The following TSPO variants were observed in gnomAD, a reference collection of about 807,000 sequenced individuals.
TSPO encodes the protein benzodiazepine peripheral binding site.
TSPO carries 14 observed loss-of-function variants against 13.9 expected under a neutral mutation model. That is an observed-to-expected ratio of 1.01 (90% CI 0.67 to 1.58). The LOEUF is 1.58. Ranked by LOEUF, TSPO falls within the 40% of genes most tolerant of loss-of-function variation. The pLI is 0.00. For synonymous variants in TSPO, 114 were observed against 105.9 expected (o/e 1.08, Z -0.47); for missense variants, 232 against 229.6 (o/e 1.01, Z -0.07).
intron 3 of TSPO, among the ~76,000 whole-genome samples, chr22:43,162,126 A>AT (rs34120993): frequency 0.31 from 42,411 of 138,220 alleles, 7,664 homozygotes; most frequent in East Asian, 0.9. Context: ...AATTTTCTGT[A>AT]TTTTTTTTTT....
Position 43,162,955 on chromosome 22 carries a change from C to A in TSPO, c.474C>A (p.Asn158Lys). The A allele has an allele frequency of 6.3e-7, 1 of 1,594,356 alleles. No homozygotes were observed. The highest frequency in any genetic ancestry group is 1.1e-5 in the South Asian group (1 of 88,322). Reference sequence around the variant, plus strand: ...TCAACTACTGCGTATGGCGGGACAACCATGGCTGGCGTGGGGGACGGCGGC... The same window carrying A: ...TCAACTACTGCGTATGGCGGGACAAACATGGCTGGCGTGGGGGACGGCGGC... ...TTLNYCVWRD[N>K]HGWRGGRRLP... Residue 158 changes from asparagine (N) to lysine (K), a missense_variant, in exon 4 of 4, where the codon AAC (asparagine) becomes AAA (lysine). Asn to Lys is a moderately conservative substitution (Grantham distance 94, BLOSUM62 0). Transcript: ENST00000337554.
chr22:43,158,052 G>A (rs1445838702), intron 1 of TSPO, among the ~76,000 whole-genome samples: 1 of 152,098 alleles, frequency 6.6e-6, no homozygotes, highest in Non-Finnish European at 1.5e-5. Flanking sequence ...ATGGATCCCA[G>A]GCCAGCAGCC....
chr22:43,159,551 A>G, intron 2 of TSPO, 131 bp downstream of exon 2: 1 of 1,007,836 alleles, frequency 9.9e-7, no homozygotes. Context: ...TTGGCAAGCC[A>G]GGGTGGGGAA....
At chr22:43,160,813 G>T (rs1019849660) in intron 2 of TSPO, among the ~76,000 whole-genome samples, 11 of 152,192 alleles carry the variant, frequency 7.2e-5, no homozygotes, top group African/African-American at 2.7e-4. Context: ...GATAATAATG[G>T]CAGGTATTTA....
intron 2 of TSPO, chr22:43,159,821 T>G: frequency 1.2e-5 from 2 of 171,914 alleles, no homozygotes; most frequent in Non-Finnish European, 1.2e-5. Flanking sequence ...ACCCCCATAA[T>G]AAGAGGCCTC....
chr22:43,153,705 G>A (rs1458857343), intron 1 of TSPO, among the ~76,000 whole-genome samples: 2 of 151,190 alleles, frequency 1.3e-5, no homozygotes, highest in Non-Finnish European at 2.9e-5. Flanking sequence ...TGTGCTCTCT[G>A]TTTAAAACGG....
intron 2 of TSPO, 88 bp downstream of exon 2, chr22:43,159,508 C>T (rs1350960687): frequency 7.8e-7 from 1 of 1,273,978 alleles, no homozygotes; most frequent in Non-Finnish European, 1.0e-6. Context: ...TCCAGGCGGG[C>T]CATGGACCAT....
Position 43,162,961 on chromosome 22 carries a change from C to T in TSPO, c.480C>T (p.Gly160=), listed in dbSNP as rs1026175946. 5.0e-6 allele frequency: 8 copies of T among 1,594,306 alleles called. No homozygotes were observed. Among genetic ancestry groups the T allele is most frequent in the Non-Finnish European group, 6.8e-6 (8 of 1,171,198 alleles). Residue 160 remains glycine, a synonymous_variant, in exon 4 of 4, where the codon GGC becomes GGT. Coordinates refer to ENST00000337554, the MANE Select transcript of TSPO (RefSeq NM_000714.6). ...LNYCVWRDNH[G]WRGGRRLPE is the part of the protein sequence containing the mutation. ...ACTGCGTATGGCGGGACAACCATGG[C>T]TGGCGTGGGGGACGGCGGCTGCCAG...
Position 43,151,607 on chromosome 22 carries a change from G to A in TSPO, c.-30+3G>A, listed in dbSNP as rs576322275. On this transcript the variant is annotated splice_donor_region_variant and intron_variant, in intron 1 of 3. Coordinates refer to ENST00000337554, the MANE Select transcript of TSPO (RefSeq NM_000714.6). ...CCCGGAGCGTGCCCTCGCCGCTGGT[G>A]AGTGAGGACGGGACGCGGAGGGGGC... 7 of 152,418 alleles carry A rather than the reference G, an allele frequency of 4.6e-5. No individual in the cohort carries two copies. Among genetic ancestry groups the A allele is most frequent in the African/African-American group, 1.7e-4 (7 of 41,590 alleles). 9.4% of individuals were successfully genotyped at this position (152,418 alleles called of 1,614,324 possible).
At chr22:43,154,452 G>A (rs903458054) in intron 1 of TSPO, among the ~76,000 whole-genome samples, 3 of 151,962 alleles carry the variant, frequency 2.0e-5, no homozygotes, top group Non-Finnish European at 4.4e-5. Flanking sequence ...TCCTCCTCTC[G>A]GGTTCAAGCA....
chr22:43,153,791 A>G (rs1931166420), intron 1 of TSPO, among the ~76,000 whole-genome samples: 1 of 150,946 alleles, frequency 6.6e-6, no homozygotes, highest in South Asian at 2.1e-4. Context: ...TTATTTATAT[A>G]TATATTTTTT....
intron 1 of TSPO, among the ~76,000 whole-genome samples, chr22:43,157,132 A>C (rs1012215758): frequency 2.0e-5 from 3 of 152,100 alleles, no homozygotes; most frequent in African/African-American, 7.2e-5. Flanking sequence ...GCTGTGGTCC[A>C]GAGCTCCATA....
At chr22:43,159,928 G>A (rs1368716112) in intron 2 of TSPO, among the ~76,000 whole-genome samples, 2 of 152,288 alleles carry the variant, frequency 1.3e-5, no homozygotes, top group Non-Finnish European at 1.5e-5. Flanking sequence ...AATTCCACCC[G>A]GAAAGGACGT....
Position 43,160,923 on chromosome 22 carries a change from A to G in TSPO, c.183-129A>G, listed in dbSNP as rs1043266829. The G allele has an allele frequency of 2.4e-6, 3 of 1,231,270 alleles. No individual in the cohort carries two copies. The Admixed American group carries it at 8.5e-5, about 35-fold the overall frequency. 76.3% of individuals were successfully genotyped at this position (1,231,270 alleles called of 1,614,324 possible). On this transcript the variant is annotated intron_variant, in intron 2 of 3. Transcript: ENST00000337554. ...GAAAAATGAAGGCCCAGACAGGTCAAGCAACTTCCCTGAGATCACACAGCA... is the reference window on the plus strand; with the variant it reads ...GAAAAATGAAGGCCCAGACAGGTCAGGCAACTTCCCTGAGATCACACAGCA...
At position 43,158,592 on chromosome 22, in the gene TSPO, G is replaced by A. The variant is rs140790855; in HGVS notation, c.-29-618G>A. ...TGTCTCCGGTGCATGGGGAAGGGGC[G>A]GTGGTTTTACTGGGGCCCGTGTGGG... On this transcript the variant is annotated intron_variant, in intron 1 of 3. Coordinates refer to ENST00000337554, the MANE Select transcript of TSPO (RefSeq NM_000714.6). Among the ~76,000 whole-genome samples the A allele has an allele frequency of 6.7e-3, 1,024 of 152,252 alleles. 14 individuals are homozygous for A. The highest frequency in any genetic ancestry group is 0.024 in the African/African-American group (978 of 41,544).
chr22:43,162,795 C>T lies in TSPO; in HGVS notation c.322-8C>T. ...GCCTCCCCATCCTCCGTCCCCCAATCTCTGCAGGCCTTGGTGGATCTCCTG... is the reference window on the plus strand; with the variant it reads ...GCCTCCCCATCCTCCGTCCCCCAATTTCTGCAGGCCTTGGTGGATCTCCTG... On this transcript the variant is annotated splice_polypyrimidine_tract_variant and splice_region_variant and intron_variant, in intron 3 of 3. Transcript: ENST00000337554. The T allele has an allele frequency of 6.4e-7, 1 of 1,556,924 alleles. No homozygotes were observed. The highest frequency in any genetic ancestry group is 8.7e-7 in the Non-Finnish European group (1 of 1,150,270).
chr22:43,152,839 G>C (rs1931116132), intron 1 of TSPO, among the ~76,000 whole-genome samples: 1 of 152,342 alleles, frequency 6.6e-6, no homozygotes, highest in African/African-American at 2.4e-5. Context: ...GTGTGTGTGT[G>C]CACATGTGCT....
intron 3 of TSPO, among the ~76,000 whole-genome samples, chr22:43,161,895 G>A (rs1481073310): frequency 6.6e-6 from 1 of 151,888 alleles, no homozygotes; most frequent in African/African-American, 2.4e-5. Flanking sequence ...TCAAACGATT[G>A]ATTCTCCCGC....
intron 3 of TSPO, among the ~76,000 whole-genome samples, 158 bp downstream of exon 3, chr22:43,161,348 C>A (rs1355245809): frequency 6.6e-6 from 1 of 152,192 alleles, no homozygotes; most frequent in African/African-American, 2.4e-5. Flanking sequence ...CTGGAGCCTC[C>A]CCTCTACTGA....
Sources: gnomAD v4.1 joint callset for allele counts (sites outside exome capture counted in the v4.1 genomes callset) on GRCh38, gnomAD v4.1.1 for gene constraint, MANE v1.5 for transcripts, NCBI Gene and HGNC (gene_info 2026-07-23, HGNC 2026-07-21) for gene names.